The following PRLR variants were observed in gnomAD, a reference collection of about 807,000 sequenced individuals.
The protein encoded by PRLR is hPRL receptor.
PRLR carries 13 observed loss-of-function variants against 40.2 expected under a neutral mutation model. The observed-to-expected ratio is 0.32, with a 90% CI of 0.21 to 0.51. The LOEUF is 0.51. PRLR is among the 20% of genes least tolerant of loss of function. The pLI is 0.97. For missense variants in PRLR, 656 were observed against 747.3 expected (o/e 0.88, Z 1.42); for synonymous variants, 269 against 278.7 (o/e 0.97, Z 0.35).
chr5:35,189,856 A>C (rs1464708589), intron 1 of PRLR, among the ~76,000 whole-genome samples: 9 of 152,264 alleles, frequency 5.9e-5, no homozygotes, highest in African/African-American at 2.2e-4. Context: ...ATAATAGTGA[A>C]AATCAAGGAA....
At chr5:35,170,028 T>A (rs2111939139) in intron 1 of PRLR, among the ~76,000 whole-genome samples, 1 of 152,330 alleles carries the variant, frequency 6.6e-6, no homozygotes, top group South Asian at 2.1e-4. Flanking sequence ...TATAGCATTA[T>A]AGAATCTTAC....
chr5:35,152,628 A>T (rs1774373844), intron 1 of PRLR, among the ~76,000 whole-genome samples: 1 of 152,242 alleles, frequency 6.6e-6, no homozygotes, highest in African/African-American at 2.4e-5. Context: ...GCTCTAGTTC[A>T]CTGCTTCTTA....
intron 1 of PRLR, among the ~76,000 whole-genome samples, chr5:35,180,024 C>T (rs760213385): frequency 2.9e-4 from 44 of 152,244 alleles, no homozygotes; most frequent in Admixed American, 1.2e-3. Context: ...TGCAACTAGG[C>T]GGTCCCATTT....
chr5:35,228,813 C>G (rs1249996736), intron 1 of PRLR, among the ~76,000 whole-genome samples: 1 of 152,082 alleles, frequency 6.6e-6, no homozygotes, highest in Non-Finnish European at 1.5e-5. Context: ...GTGGATTACT[C>G]CCACAGTCAG....
intron 1 of PRLR, among the ~76,000 whole-genome samples, chr5:35,168,281 A>G (rs1002632688): frequency 6.6e-6 from 1 of 152,104 alleles, no homozygotes; most frequent in African/African-American, 2.4e-5. Context: ...CACCATTCTC[A>G]TATCTGATTA....
chr5:35,074,120 C>T (rs2112410422), intron 5 of PRLR, among the ~76,000 whole-genome samples: 1 of 152,090 alleles, frequency 6.6e-6, no homozygotes, highest in East Asian at 1.9e-4. Context: ...TTTATAATAG[C>T]CAAAAGTGAA....
chr5:35,204,607 G>T (rs145645319), intron 1 of PRLR, among the ~76,000 whole-genome samples: 96 of 152,172 alleles, frequency 6.3e-4, no homozygotes, highest in African/African-American at 2.2e-3. Flanking sequence ...TAGCCATAAA[G>T]AACATAATTC....
In PRLR at chr5:35,064,563, C is replaced by A. The variant is rs1233975821; in HGVS notation, c.*526G>T. The A allele has an allele frequency of 6.5e-6, 1 of 153,512 alleles. No homozygotes were observed. The allele number at this position is 153,512 out of a possible 1,614,324, so 9.5% of individuals were successfully genotyped here. The stretch of plus-strand genomic sequence containing the variant: ...GCAATGTGTCAGTAAGGTATAGGAA[C>A]TTATGTAAACAATTTGTTCTGGAAT... On this transcript the variant is annotated 3_prime_UTR_variant, in exon 10 of 10. Transcript: ENST00000618457.
rs911420833 is a variant in PRLR, at chr5:35,060,882, T to A, written c.*4207A>T. ...TAAGCCAATGACATTCAAAAATGTA[T>A]CAATAAGTTTTGGTATGGAGAGTCT... On this transcript the variant is annotated 3_prime_UTR_variant, in exon 10 of 10. Transcript: ENST00000618457. The A allele has an allele frequency of 9.9e-5, 15 of 152,200 alleles. No individual in the cohort carries two copies. Among genetic ancestry groups the A allele is most frequent in the African/African-American group, 3.6e-4 (15 of 41,452 alleles). 9.4% of individuals were successfully genotyped at this position (152,200 alleles called of 1,614,324 possible). A position where few individuals can be genotyped will look rare whatever the true frequency, so the allele number is the denominator to read the frequency against.
At chr5:35,054,248 G>A (rs1457803551), downstream of PRLR, among the ~76,000 whole-genome samples, 2 of 152,188 alleles carry the variant, frequency 1.3e-5, no homozygotes, top group African/African-American at 2.4e-5. Flanking sequence ...GAAGCAATTT[G>A]TCAGCATCTA....
At chr5:35,101,796 C>G (rs1235887138) in intron 2 of PRLR, among the ~76,000 whole-genome samples, 2 of 147,260 alleles carry the variant, frequency 1.4e-5, no homozygotes, top group Admixed American at 1.4e-4. Flanking sequence ...ATATATATAA[C>G]TTATAAATAA....
chr5:35,202,780 T>C (rs1218031597), intron 1 of PRLR, among the ~76,000 whole-genome samples: 1 of 152,192 alleles, frequency 6.6e-6, no homozygotes, highest in Non-Finnish European at 1.5e-5. Context: ...GAAAGTAAAG[T>C]AATAATATAC....
intron 2 of PRLR, among the ~76,000 whole-genome samples, chr5:35,114,502 C>G (rs1454311101): frequency 1.3e-5 from 2 of 152,140 alleles, no homozygotes; most frequent in African/African-American, 4.8e-5. Flanking sequence ...TCCTTGGAAC[C>G]CTCCAGGCTC....
At chr5:35,128,750 G>A (rs1308486046) in intron 1 of PRLR, among the ~76,000 whole-genome samples, 1 of 152,128 alleles carries the variant, frequency 6.6e-6, no homozygotes, top group Non-Finnish European at 1.5e-5. Context: ...GAACAAGAAG[G>A]CATTTCATTC....
intron 3 of PRLR, 65 bp downstream of exon 3, chr5:35,089,486 G>A: frequency 9.0e-7 from 1 of 1,111,162 alleles, no homozygotes. Context: ...AAGACTGCAT[G>A]GACTCTCCAC....
At position 35,062,785 on chromosome 5, in the gene PRLR, C is replaced by T. The variant is rs999104324; in HGVS notation, c.*2304G>A. 5.3e-5 allele frequency: 8 copies of T among 152,074 alleles called. No individual in the cohort carries two copies. The highest frequency in any genetic ancestry group is 1.4e-4 in the African/African-American group (6 of 41,398). The allele number at this position is 152,074 out of a possible 1,614,324, so 9.4% of individuals were successfully genotyped here. ...ATTCCTTGGCCTTTCAGAAGTTGTG[C>T]GTAGTTTTGCAGGTCATTCTTTTAT... On this transcript the variant is annotated 3_prime_UTR_variant, in exon 10 of 10. Coordinates refer to ENST00000618457, the MANE Select transcript of PRLR (RefSeq NM_000949.7).
intron 1 of PRLR, among the ~76,000 whole-genome samples, chr5:35,173,340 T>C (rs56399706): frequency 2.0e-5 from 3 of 152,044 alleles, no homozygotes; most frequent in East Asian, 1.9e-4. Context: ...GTGGAGAAAA[T>C]GGAATTACTA....
chr5:35,183,271 A>T (rs1228677823), intron 1 of PRLR, among the ~76,000 whole-genome samples: 1 of 152,260 alleles, frequency 6.6e-6, no homozygotes, highest in African/African-American at 2.4e-5. Flanking sequence ...TTCATATGAC[A>T]GTCCATTAAA....
intron 1 of PRLR, among the ~76,000 whole-genome samples, chr5:35,145,968 G>C (rs533414281): frequency 6.6e-6 from 1 of 152,286 alleles, no homozygotes; most frequent in African/African-American, 2.4e-5. Context: ...ATTGCTTTAA[G>C]CAGGACTGTT....
Sources: allele counts gnomAD v4.1 joint callset (sites outside exome capture counted in the v4.1 genomes callset), GRCh38; gene constraint gnomAD v4.1.1; transcripts MANE v1.5; gene names NCBI Gene and HGNC (gene_info 2026-07-23, HGNC 2026-07-21).